The following PIK3CB variants were observed in gnomAD, a reference collection of about 807,000 sequenced individuals.
PIK3CB encodes phosphatidylinositol 4,5-bisphosphate 3-kinase catalytic subunit beta isoform.
A neutral mutation model predicts 136.8 loss-of-function variants in PIK3CB; 39 were observed. The ratio of observed to expected loss-of-function variants is 0.29; its 90% CI spans 0.22 to 0.37. The LOEUF is 0.37. Ranked by LOEUF, PIK3CB falls within the 10% of genes least tolerant of loss-of-function variation. The pLI is 1.00. For missense variants in PIK3CB, 868 were observed against 1,275.4 expected, an observed-to-expected ratio of 0.68 and a Z score of 4.87; for synonymous variants, 428 against 436.6, an observed-to-expected ratio of 0.98 and a Z score of 0.25.
intron 8 of PIK3CB, among the ~76,000 whole-genome samples, chr3:138,716,142 GTGT>G (rs1374524078): frequency 1.3e-5 from 2 of 152,098 alleles, no homozygotes; most frequent in Non-Finnish European, 2.9e-5. Flanking sequence ...CAAGTAACAG[GTGT>G]TACAAAGGAT....
At chr3:138,764,025 C>T (rs1181620487) in intron 2 of PIK3CB, among the ~76,000 whole-genome samples, 2 of 151,084 alleles carry the variant, frequency 1.3e-5, no homozygotes, top group African/African-American at 2.4e-5. Flanking sequence ...GCAGGAGAAT[C>T]GCTTGAACTC....
chr3:138,825,270 G>A, intron 1 of PIK3CB: 1 of 411,690 alleles, frequency 2.4e-6, no homozygotes, highest in South Asian at 4.4e-5. Context: ...GACATCTCAG[G>A]CTGACTGTGC....
At chr3:138,797,505 G>A (rs1001600747) in intron 1 of PIK3CB, among the ~76,000 whole-genome samples, 1 of 152,036 alleles carries the variant, frequency 6.6e-6, no homozygotes, top group African/African-American at 2.4e-5. Flanking sequence ...AAAACATGTG[G>A]CATGTTTTCA....
intron 2 of PIK3CB, among the ~76,000 whole-genome samples, chr3:138,783,850 A>C (rs1247464841): frequency 6.6e-6 from 1 of 152,168 alleles, no homozygotes; most frequent in East Asian, 1.9e-4. Context: ...AGTGTGAAAA[A>C]GAACATATAA....
chr3:138,788,964 CAAAAAAAAAA>C lies in PIK3CB; in HGVS notation c.-17+7489_-17+7498del, dbSNP rs57432821. Among the ~76,000 whole-genome samples the C allele has an allele frequency of 9.2e-4, 82 of 89,478 alleles. 1 individual carries two copies. Among genetic ancestry groups the C allele is most frequent in the African/African-American group, 3.7e-3 (81 of 21,650 alleles). The allele number at this position is 89,478 out of a possible 152,430, so 58.7% of individuals were successfully genotyped here. A position where few individuals can be genotyped will look rare whatever the true frequency, so the allele number is the denominator to read the frequency against. ...GGGGGAAAAGAGAGAGACTTCGTCTCAAAAAAAAAAAAAAAAAAAAAAAAAAAACAAAAAA... is the reference window on the plus strand; with the variant it reads ...GGGGGAAAAGAGAGAGACTTCGTCTCAAAAAAAAAAAAAAAAAACAAAAAA... On this transcript the variant is annotated intron_variant, in intron 2 of 23. Transcript: ENST00000674063.
chr3:138,834,084 A>C (rs1339417905), intron 1 of PIK3CB, among the ~76,000 whole-genome samples: 1 of 152,218 alleles, frequency 6.6e-6, no homozygotes, highest in Non-Finnish European at 1.5e-5. Context: ...AATAGCTAAC[A>C]CGAGATGCTG....
intron 1 of PIK3CB, among the ~76,000 whole-genome samples, chr3:138,815,844 C>T (rs1046307677): frequency 2.0e-5 from 3 of 152,170 alleles, no homozygotes; most frequent in Non-Finnish European, 4.4e-5. Context: ...TCACAGATAC[C>T]AAGGGATAAA....
chr3:138,776,338 G>A (rs1042752025), intron 2 of PIK3CB, among the ~76,000 whole-genome samples: 6 of 152,072 alleles, frequency 3.9e-5, no homozygotes, highest in African/African-American at 1.4e-4. Flanking sequence ...GAAACTATGG[G>A]AATACTCTCA....
rs1934201431 is a variant in PIK3CB at position 138,834,877 on chromosome 3, G to T, written c.-304C>A. On this transcript the variant is annotated 5_prime_UTR_variant, in exon 1 of 24. Transcript: ENST00000674063. The stretch of plus-strand genomic sequence containing the variant: ...CCATGGCCCGCTCCGCCGCAGCGCC[G>T]CACAGGCCGACAGAGCACGCGCGCG... 1.3e-5 allele frequency: 2 copies of T among 151,888 alleles called. No individual in the cohort carries two copies. Among genetic ancestry groups the T allele is most frequent in the Non-Finnish European group, 2.9e-5 (2 of 68,380 alleles). 9.4% of individuals were successfully genotyped at this position (151,888 alleles called of 1,614,324 possible). A position where few individuals can be genotyped will look rare whatever the true frequency, so the allele number is the denominator to read the frequency against.
intron 19 of PIK3CB, among the ~76,000 whole-genome samples, chr3:138,667,148 G>A (rs1198794): frequency 6.9e-6 from 1 of 144,640 alleles, no homozygotes; most frequent in Non-Finnish European, 1.5e-5. Flanking sequence ...GGCGGAGGTT[G>A]CAGTAAGCCG....
intron 6 of PIK3CB, 59 bp downstream of exon 6, chr3:138,737,647 AT>A: frequency 9.9e-6 from 4 of 403,682 alleles, no homozygotes; most frequent in African/African-American, 5.5e-5. Context: ...GAAATAAAAT[AT>A]ATATATATAT....
intron 19 of PIK3CB, among the ~76,000 whole-genome samples, chr3:138,667,927 G>A (rs1374498837): frequency 6.6e-6 from 1 of 151,650 alleles, no homozygotes; most frequent in African/African-American, 2.4e-5. Context: ...AATTAGCCAG[G>A]CATGGTGGCA....
chr3:138,784,854 G>A (rs1025089492), intron 2 of PIK3CB, among the ~76,000 whole-genome samples: 6 of 152,072 alleles, frequency 3.9e-5, no homozygotes, highest in Non-Finnish European at 7.4e-5. Context: ...CCGCCACCCC[G>A]TCTGGGAAGT....
chr3:138,674,402 A>G (rs2043603069), intron 19 of PIK3CB, among the ~76,000 whole-genome samples: 1 of 152,164 alleles, frequency 6.6e-6, no homozygotes, highest in Non-Finnish European at 1.5e-5. Flanking sequence ...GCATTTAAGA[A>G]AATCAGGTCA....
chr3:138,830,771 T>G lies in PIK3CB; in HGVS notation c.-122+3924A>C, dbSNP rs555964895. On this transcript the variant is annotated intron_variant, in intron 1 of 23. Transcript: ENST00000674063. ...AAAAAAATTAGCCGGGCGTGTTGGC[T>G]GGCGCCTGTAGTCCCAGCTACTTGG... Among the ~76,000 whole-genome samples the G allele has an allele frequency of 1.0e-4, 15 of 146,920 alleles. No homozygotes were observed. The East Asian group carries it at 1.1e-3, about 10-fold the overall frequency.
intron 2 of PIK3CB, among the ~76,000 whole-genome samples, chr3:138,779,632 A>G (rs2045901603): frequency 6.7e-6 from 1 of 150,034 alleles, no homozygotes; most frequent in African/African-American, 2.5e-5. Flanking sequence ...AACTCAAGTG[A>G]TCCATCTGCC....
intron 2 of PIK3CB, among the ~76,000 whole-genome samples, chr3:138,779,675 G>A (rs141499504): frequency 6.7e-6 from 1 of 149,380 alleles, no homozygotes; most frequent in African/African-American, 2.5e-5. Context: ...TTACAAGCAT[G>A]AAATCGCTGC....
At chr3:138,723,586 A>C (rs1365395580) in intron 8 of PIK3CB, among the ~76,000 whole-genome samples, 2 of 152,108 alleles carry the variant, frequency 1.3e-5, no homozygotes, top group Non-Finnish European at 2.9e-5. Flanking sequence ...ATACGGTTAC[A>C]TGTTTTATTA....
At chr3:138,751,030 T>G (rs919243080) in intron 4 of PIK3CB, among the ~76,000 whole-genome samples, 1 of 152,212 alleles carries the variant, frequency 6.6e-6, no homozygotes, top group African/African-American at 2.4e-5. Flanking sequence ...ACCCTGTTCA[T>G]GTAACTGTTA....
Sources: gnomAD v4.1 joint callset for allele counts (sites outside exome capture counted in the v4.1 genomes callset) on GRCh38, gnomAD v4.1.1 for gene constraint, MANE v1.5 for transcripts, NCBI Gene and HGNC (gene_info 2026-07-23, HGNC 2026-07-21) for gene names.